KLF8: variants seen among roughly 807,000 people sequenced by gnomAD.
KLF8 encodes KLF transcription factor 8.
A neutral mutation model predicts 18.2 loss-of-function variants in KLF8; 10 were observed. The observed-to-expected ratio is 0.55, with a 90% confidence interval of 0.34 to 0.93. KLF8 has a LOEUF of 0.93. Among genes scored for constraint, KLF8 ranks in the 40% least tolerant of loss-of-function variants. The pLI is 0.02. For missense variants in KLF8, 264 were observed against 277.9 expected (o/e 0.95, Z 0.36); for synonymous variants, 109 against 97.3 (o/e 1.12, Z -0.71).
intron 2 of KLF8, among the ~76,000 whole-genome samples, chrX:56,261,140 G>C (rs1267787897): frequency 9.0e-6 from 1 of 111,459 alleles, no homozygotes; most frequent in Non-Finnish European, 1.9e-5. Context: ...AACCGAAAGG[G>C]TCTCATCTTT....
chrX:56,213,658 G>A, the KLF8 span, among the ~76,000 whole-genome samples: 4 of 110,784 alleles, frequency 3.6e-5, no homozygotes, highest in Non-Finnish European at 5.7e-5. Flanking sequence ...ATAGATGTAA[G>A]CATTAAATTA....
At chrX:56,283,105 CATAATGGGGTCATACTGCGTTA>C (rs1252336141) in intron 5 of KLF8, among the ~76,000 whole-genome samples, 1 of 111,207 alleles carries the variant, frequency 9.0e-6, no homozygotes, top group Non-Finnish European at 1.9e-5. Flanking sequence ...ATCTATATAC[CATAATGGGGTCATACTGCGTTA>C]ATTTTTTTAT....
the KLF8 span, among the ~76,000 whole-genome samples, chrX:56,021,449 T>G: frequency 9.0e-6 from 1 of 111,526 alleles, no homozygotes; most frequent in Admixed American, 9.5e-5. Context: ...GTAAGTAATT[T>G]TTTGCTACAT....
the KLF8 span, among the ~76,000 whole-genome samples, chrX:56,013,954 C>T: frequency 9.0e-6 from 1 of 111,399 alleles, no homozygotes; most frequent in African/African-American, 3.3e-5. Context: ...GAAACTGGAC[C>T]CCTTTCTTAC....
At chrX:55,947,614 G>C in the KLF8 span, among the ~76,000 whole-genome samples, 1 of 103,885 alleles carries the variant, frequency 9.6e-6, no homozygotes, top group South Asian at 4.0e-4. Context: ...TTGTGCACAT[G>C]TACCCTAAAA....
At chrX:56,173,630 G>T in the KLF8 span, among the ~76,000 whole-genome samples, 2 of 111,827 alleles carry the variant, frequency 1.8e-5, no homozygotes, top group Non-Finnish European at 3.8e-5. Context: ...TTCCAATTCT[G>T]TGAAGAAAGT....
chrX:56,047,507 C>T, the KLF8 span, among the ~76,000 whole-genome samples: 4 of 106,161 alleles, frequency 3.8e-5, no homozygotes, highest in African/African-American at 1.4e-4. Flanking sequence ...TGAGTGAAAA[C>T]ATGTGGTGTT....
chrX:56,015,750 A>G, the KLF8 span, among the ~76,000 whole-genome samples: 1 of 111,563 alleles, frequency 9.0e-6, no homozygotes, highest in African/African-American at 3.3e-5. Context: ...TTAATAGTTA[A>G]CTAGTGTACA....
the KLF8 span, among the ~76,000 whole-genome samples, chrX:55,949,020 G>A: frequency 1.8e-5 from 2 of 111,764 alleles, no homozygotes; most frequent in South Asian, 3.8e-4. Context: ...TGTGTCCAGC[G>A]TTTGAACTCT....
chrX:55,917,929 C>A, the KLF8 span, among the ~76,000 whole-genome samples: 55 of 111,988 alleles, frequency 4.9e-4, 1 homozygote, highest in South Asian at 3.0e-3. Flanking sequence ...TCTGGGATCT[C>A]AACACAAAAT....
chrX:56,093,905 ATG>A, the KLF8 span, among the ~76,000 whole-genome samples: 15,065 of 88,494 alleles, frequency 0.17, 939 homozygotes, highest in Middle Eastern at 0.29. Context: ...TATATATTAT[ATG>A]TGTGTGTGTG....
chrX:55,939,464 G>T, the KLF8 span, among the ~76,000 whole-genome samples: 2 of 111,481 alleles, frequency 1.8e-5, no homozygotes, highest in African/African-American at 6.5e-5. Flanking sequence ...ACAATTAAAA[G>T]AACTAGAAAA....
At chrX:56,247,958 T>C (rs1415588444) in intron 1 of KLF8, among the ~76,000 whole-genome samples, 1 of 112,156 alleles carries the variant, frequency 8.9e-6, no homozygotes, top group African/African-American at 3.2e-5. Flanking sequence ...ATAATTATAT[T>C]GACTGACAGC....
At chrX:56,149,549 C>T in the KLF8 span, among the ~76,000 whole-genome samples, 1 of 110,619 alleles carries the variant, frequency 9.0e-6, no homozygotes, top group Non-Finnish European at 1.9e-5. Flanking sequence ...TACACCCAAC[C>T]AACAAACCTG....
chrX:56,234,080 T>C (rs2066441134), intron 1 of KLF8, among the ~76,000 whole-genome samples: 2 of 111,332 alleles, frequency 1.8e-5, no homozygotes. Context: ...CTTTTTTTTT[T>C]AACCCTAAGA....
At chrX:55,984,741 A>T in the KLF8 span, among the ~76,000 whole-genome samples, 1 of 111,283 alleles carries the variant, frequency 9.0e-6, no homozygotes, top group Non-Finnish European at 1.9e-5. Flanking sequence ...CATTCCCACC[A>T]AGAGTGTAAA....
At chrX:56,150,554 A>G in the KLF8 span, among the ~76,000 whole-genome samples, 6 of 111,307 alleles carry the variant, frequency 5.4e-5, no homozygotes, top group African/African-American at 9.8e-5. Flanking sequence ...TCAATGAAGG[A>G]AAGACAAGCT....
chrX:56,210,306 A>T, the KLF8 span, among the ~76,000 whole-genome samples: 1 of 111,803 alleles, frequency 8.9e-6, no homozygotes, highest in Non-Finnish European at 1.9e-5. Flanking sequence ...CTTTCACTAG[A>T]TATGCTATTC....
the KLF8 span, among the ~76,000 whole-genome samples, chrX:55,949,066 G>T: frequency 6.2e-5 from 7 of 112,168 alleles, 1 homozygote; most frequent in African/African-American, 2.3e-4. Flanking sequence ...AGTCTTAGAT[G>T]AATGTCTTTT....
Sources: gnomAD v4.1 joint callset for allele counts (sites outside exome capture counted in the v4.1 genomes callset) on GRCh38, gnomAD v4.1.1 for gene constraint, MANE v1.5 for transcripts, NCBI Gene and HGNC (gene_info 2026-07-23, HGNC 2026-07-21) for gene names.